Variants in COG6 observed in about 807,000 individuals in gnomAD.
The protein encoded by COG6 is conserved oligomeric Golgi complex subunit 6.
Under a neutral mutation model 88.8 loss-of-function variants are expected in COG6, and 74 were observed. That is an observed-to-expected ratio of 0.83 (90% CI 0.69 to 1.01). The LOEUF (loss-of-function observed/expected upper bound fraction) is 1.01. COG6 is among the 50% of genes least tolerant of loss of function. COG6 has a pLI of 0.00. For missense variants in COG6, 800 were observed against 797.9 expected (o/e 1.00, Z -0.03); for synonymous variants, 286 against 278.7 (o/e 1.03, Z -0.26).
In COG6 at chr13:39,719,378, A is replaced by C. The variant is rs755927968; in HGVS notation, c.1416+11A>C. The stretch of plus-strand genomic sequence containing the variant: ...GCTGATTTTGTGCAGGTATGTTATA[A>C]ATTCATTTTTAATGATTGTTTTTTG... On this transcript the variant is annotated intron_variant, in intron 14 of 18. Coordinates refer to ENST00000455146, the MANE Select transcript of COG6 (RefSeq NM_020751.3). The C allele has an allele frequency of 1.2e-6, 2 of 1,610,694 alleles. No homozygotes were observed. The highest frequency in any genetic ancestry group is 2.7e-5 in the African/African-American group (2 of 74,806).
Position 39,780,002 on chromosome 13 carries a change from A to G in COG6, c.1827-8333A>G, listed in dbSNP as rs117646562. On this transcript the variant is annotated intron_variant, in intron 18 of 18. Transcript: ENST00000416691. The stretch of plus-strand genomic sequence containing the variant: ...AAACTTGCTGATGGATGAAGAATGA[A>G]TAGAATTTTAACCCATGCAGGACTT... Among the ~76,000 whole-genome samples, 231 of 152,364 alleles carry G rather than the reference A, an allele frequency of 1.5e-3. 2 individuals carry two copies. The East Asian group carries it at 0.03, about 20-fold the overall frequency.
chr13:39,727,692 C>T, intron 18 of COG6, 144 bp downstream of exon 18: 1 of 720,436 alleles, frequency 1.4e-6, no homozygotes, highest in Non-Finnish European at 2.5e-6. Context: ...TCTGCCTTGG[C>T]ATGCCAAAGG....
intron 3 of COG6, among the ~76,000 whole-genome samples, chr13:39,663,279 C>T (rs147776096): frequency 1.7e-3 from 265 of 152,020 alleles, no homozygotes; most frequent in African/African-American, 6.1e-3. Flanking sequence ...TATTATATAA[C>T]ATTGTGCTAA....
intron 13 of COG6, among the ~76,000 whole-genome samples, chr13:39,712,572 A>C (rs966059434): frequency 6.6e-6 from 1 of 152,222 alleles, no homozygotes; most frequent in African/African-American, 2.4e-5. Flanking sequence ...AGAGCAGTTA[A>C]GAAGATATGT....
intron 11 of COG6, among the ~76,000 whole-genome samples, chr13:39,690,917 C>T (rs1439440091): frequency 6.6e-6 from 1 of 151,646 alleles, no homozygotes; most frequent in Non-Finnish European, 1.5e-5. Context: ...TGTATACTGG[C>T]AGTTACTGGA....
chr13:39,729,542 C>T (rs1009875460), intron 18 of COG6, among the ~76,000 whole-genome samples: 2 of 151,934 alleles, frequency 1.3e-5, no homozygotes, highest in Non-Finnish European at 2.9e-5. Flanking sequence ...ATAGTAAGAT[C>T]CTATAAATTC....
chr13:39,706,165 T>C (rs1877881419), intron 13 of COG6, among the ~76,000 whole-genome samples: 2 of 144,424 alleles, frequency 1.4e-5, no homozygotes, highest in Non-Finnish European at 1.5e-5. Flanking sequence ...GGAATGTATA[T>C]ATTTATATAT....
intron 18 of COG6, among the ~76,000 whole-genome samples, chr13:39,749,323 T>C (rs1880504188): frequency 6.6e-6 from 1 of 152,210 alleles, no homozygotes; most frequent in Admixed American, 6.5e-5. Flanking sequence ...TTAAGGGACA[T>C]GTGAACATAA....
chr13:39,774,481 T>C (rs749107510), intron 18 of COG6, among the ~76,000 whole-genome samples: 1 of 152,196 alleles, frequency 6.6e-6, no homozygotes, highest in African/African-American at 2.4e-5. Context: ...CTTTTGTAAG[T>C]CTTTTTGTTT....
At chr13:39,764,630 C>A (rs1299418464) in intron 18 of COG6, among the ~76,000 whole-genome samples, 1 of 151,978 alleles carries the variant, frequency 6.6e-6, no homozygotes, top group African/African-American at 2.4e-5. Context: ...TTGTTTGACT[C>A]ATAGATTACT....
chr13:39,727,653 A>T (rs1045964365), intron 18 of COG6, 105 bp downstream of exon 18: 1 of 872,016 alleles, frequency 1.1e-6, no homozygotes, highest in Non-Finnish European at 1.9e-6. Context: ...ATGATTTACC[A>T]TTGAAAATCT....
exon 19 of COG6, chr13:39,789,602 A>G (rs941914003): frequency 6.6e-6 from 1 of 152,058 alleles, no homozygotes; most frequent in African/African-American, 2.4e-5. Context: ...TACCTGCTCC[A>G]CCCTGTCTCA....
At chr13:39,681,433 G>A (rs1421499278) in intron 7 of COG6, among the ~76,000 whole-genome samples, 1 of 151,616 alleles carries the variant, frequency 6.6e-6, no homozygotes, top group Non-Finnish European at 1.5e-5. Context: ...AAATTTTTTT[G>A]TGCTCCCGCA....
intron 18 of COG6, among the ~76,000 whole-genome samples, chr13:39,747,992 G>A (rs1269614558): frequency 6.6e-6 from 1 of 151,990 alleles, no homozygotes; most frequent in Non-Finnish European, 1.5e-5. Flanking sequence ...AGAAGGAATA[G>A]CCTTATTTTT....
chr13:39,731,112 C>A (rs574949821), intron 18 of COG6, among the ~76,000 whole-genome samples: 1 of 152,102 alleles, frequency 6.6e-6, no homozygotes, highest in Non-Finnish European at 1.5e-5. Context: ...CTTGATAGCA[C>A]TCCCGGCCTA....
Position 39,752,624 on chromosome 13 carries a change from A to T in COG6, c.*1531A>T, listed in dbSNP as rs909575063. 6 of 1,262,658 alleles carry T rather than the reference A, an allele frequency of 4.8e-6. No individual in the cohort carries two copies. The African/African-American group carries it at 9.3e-5, about 20-fold the overall frequency. The allele number at this position is 1,262,658 out of a possible 1,614,324, so 78.2% of individuals were successfully genotyped here. Reference sequence around the variant, plus strand: ...TGGTTTTTTCAAATAAAATATTAAAATATTTCTAGAGCAGCAATTATTGCA... The same window carrying T: ...TGGTTTTTTCAAATAAAATATTAAATTATTTCTAGAGCAGCAATTATTGCA... On this transcript the variant is annotated 3_prime_UTR_variant, in exon 19 of 19. Transcript: ENST00000455146.
rs886360642 is a variant in COG6, at chr13:39,655,751, G to A, written c.25G>A (p.Val9Ile). 1 of 1,595,456 alleles carries A rather than the reference G, an allele frequency of 6.3e-7. No homozygotes were observed. Among genetic ancestry groups the A allele is most frequent in the African/African-American group, 1.3e-5 (1 of 74,584 alleles). Residue 9 changes from valine to isoleucine, a missense_variant, in exon 1 of 19, where the codon GTC becomes ATC. Val to Ile is a conservative substitution (Grantham distance 29, BLOSUM62 3). Transcript: ENST00000455146. ...TATGGCAGAGGGCAGCGGGGAAGTG[G>A]TCGCAGTGTCTGCGACCGGGGCTGC... MAEGSGEV[V>I]AVSATGAANG...
At chr13:39,670,260 A>G (rs1192462582) in intron 4 of COG6, among the ~76,000 whole-genome samples, 1 of 152,140 alleles carries the variant, frequency 6.6e-6, no homozygotes, top group Admixed American at 6.5e-5. Context: ...CTATATGTAC[A>G]TGAACATACC....
At chr13:39,777,050 C>G (rs1881485327) in intron 18 of COG6, among the ~76,000 whole-genome samples, 1 of 152,186 alleles carries the variant, frequency 6.6e-6, no homozygotes, top group Non-Finnish European at 1.5e-5. Flanking sequence ...TTAACAACAA[C>G]ACTTGCTACA....
Sources: gnomAD v4.1 joint callset for allele counts (sites outside exome capture counted in the v4.1 genomes callset) on GRCh38, gnomAD v4.1.1 for gene constraint, MANE v1.5 for transcripts, NCBI Gene and HGNC (gene_info 2026-07-23, HGNC 2026-07-21) for gene names.